SHC3: variants seen among roughly 807,000 people sequenced by gnomAD.
SHC3 encodes the protein SHC-transforming protein 3.
A neutral mutation model predicts 60.4 loss-of-function variants in SHC3; 15 were observed. The ratio of observed to expected loss-of-function variants is 0.25; its 90% CI spans 0.17 to 0.38. SHC3 has a LOEUF of 0.38. Among genes scored for constraint, SHC3 ranks in the 10% least tolerant of loss-of-function variants. The probability of loss-of-function intolerance (pLI) is 1.00; values close to 1 mark genes in which losing one functional copy is unlikely to be tolerated. For synonymous variants in SHC3, 294 were observed against 325.9 expected (o/e 0.90, Z 1.05); for missense variants, 677 against 786.1 (o/e 0.86, Z 1.66).
intron 11 of SHC3, among the ~76,000 whole-genome samples, chr9:89,032,517 A>T (rs1051185241): frequency 1.5e-4 from 23 of 152,332 alleles, no homozygotes; most frequent in African/African-American, 5.3e-4. Context: ...TAGACATAAG[A>T]GCGTTGACTA....
At chr9:89,140,338 C>G (rs1438823144) in intron 1 of SHC3, among the ~76,000 whole-genome samples, 2 of 151,976 alleles carry the variant, frequency 1.3e-5, no homozygotes, top group Admixed American at 1.3e-4. Flanking sequence ...AACAGATTCC[C>G]CCCCCCAGAT....
At chr9:89,072,289 G>C (rs1283802801) in intron 4 of SHC3, among the ~76,000 whole-genome samples, 1 of 152,088 alleles carries the variant, frequency 6.6e-6, no homozygotes. Context: ...CCCACCCCGA[G>C]GCCAGGGTCT....
chr9:89,016,733 T>C (rs796244187), intron 11 of SHC3, among the ~76,000 whole-genome samples: 4 of 152,314 alleles, frequency 2.6e-5, no homozygotes, highest in African/African-American at 9.6e-5. Flanking sequence ...TATAGTGCAA[T>C]ATCTCTTATG....
chr9:89,147,260 TGGGTA>T (rs1161818258), intron 1 of SHC3, among the ~76,000 whole-genome samples: 2 of 152,194 alleles, frequency 1.3e-5, no homozygotes, highest in Non-Finnish European at 2.9e-5. Flanking sequence ...ATCTTGGTGC[TGGGTA>T]GGGCACCAGT....
At chr9:89,159,739 G>A (rs909892037) in intron 1 of SHC3, among the ~76,000 whole-genome samples, 17 of 152,234 alleles carry the variant, frequency 1.1e-4, no homozygotes, top group African/African-American at 4.1e-4. Context: ...CAGCACAGGA[G>A]AAAGATGTAG....
intron 6 of SHC3, among the ~76,000 whole-genome samples, chr9:89,054,048 A>T (rs1025119386): frequency 2.0e-5 from 3 of 152,190 alleles, no homozygotes; most frequent in African/African-American, 7.2e-5. Context: ...TTTTTTAAGG[A>T]GAAAATAGGT....
At chr9:89,172,679 C>T (rs182817303) in intron 1 of SHC3, among the ~76,000 whole-genome samples, 344 of 152,252 alleles carry the variant, frequency 2.3e-3, no homozygotes, top group Middle Eastern at 6.8e-3. Context: ...TATTATTTTT[C>T]CACCACATAC....
At chr9:89,058,465 G>C (rs1168523969) in intron 6 of SHC3, among the ~76,000 whole-genome samples, 1 of 151,154 alleles carries the variant, frequency 6.6e-6, no homozygotes, top group Non-Finnish European at 1.5e-5. Context: ...GGAGGATGGT[G>C]GTGGAGGATG....
At chr9:89,098,865 G>A (rs970651568) in intron 2 of SHC3, among the ~76,000 whole-genome samples, 3 of 151,940 alleles carry the variant, frequency 2.0e-5, no homozygotes, top group Non-Finnish European at 2.9e-5. Flanking sequence ...TCAGCTACTC[G>A]GGAGGCTGAG....
At chr9:89,126,754 T>C (rs1355636207) in intron 1 of SHC3, among the ~76,000 whole-genome samples, 1 of 152,234 alleles carries the variant, frequency 6.6e-6, no homozygotes, top group Non-Finnish European at 1.5e-5. Context: ...CTGTAAAGTT[T>C]TGATTCATTG....
intron 2 of SHC3, among the ~76,000 whole-genome samples, chr9:89,078,110 C>A (rs1825389260): frequency 6.6e-6 from 1 of 151,540 alleles, no homozygotes; most frequent in Non-Finnish European, 1.5e-5. Flanking sequence ...CCTCTCCTGG[C>A]AATATTCTAG....
At chr9:89,165,260 T>TTGTGTG (rs10626309) in intron 1 of SHC3, among the ~76,000 whole-genome samples, 2,577 of 148,614 alleles carry the variant, frequency 0.017, 71 homozygotes, top group African/African-American at 0.057. Context: ...AAAGACGTGT[T>TTGTGTG]TGTGTGTGTG....
intron 7 of SHC3, among the ~76,000 whole-genome samples, chr9:89,049,291 CA>C (rs373029613): frequency 1.3e-5 from 2 of 150,318 alleles, no homozygotes; most frequent in Non-Finnish European, 3.0e-5. Context: ...CAAAACAAAA[CA>C]AAACCAGAAA....
intron 7 of SHC3, among the ~76,000 whole-genome samples, chr9:89,051,740 G>A (rs544410278): frequency 2.0e-5 from 3 of 152,226 alleles, no homozygotes; most frequent in Admixed American, 6.5e-5. Context: ...ACCATCACAT[G>A]GCTGCAGAGG....
intron 2 of SHC3, among the ~76,000 whole-genome samples, chr9:89,102,303 G>A (rs1425806573): frequency 6.6e-6 from 1 of 151,776 alleles, no homozygotes; most frequent in Non-Finnish European, 1.5e-5. Context: ...TCTTTTTTCA[G>A]ATTCCAAATT....
chr9:89,147,031 G>A (rs1826478394), intron 1 of SHC3, among the ~76,000 whole-genome samples: 1 of 151,994 alleles, frequency 6.6e-6, no homozygotes, highest in East Asian at 1.9e-4. Flanking sequence ...CCTCAAACTG[G>A]AAAAGAAGCA....
At chr9:89,037,875 C>T in intron 11 of SHC3, 118 bp downstream of exon 11, 1 of 1,320,450 alleles carries the variant, frequency 7.6e-7, no homozygotes, top group Non-Finnish European at 1.0e-6. Context: ...CCCTGGAGGA[C>T]TCAGTAGGCA....
At chr9:89,078,664 G>A (rs1482572021) in intron 2 of SHC3, among the ~76,000 whole-genome samples, 2 of 152,164 alleles carry the variant, frequency 1.3e-5, no homozygotes, top group Non-Finnish European at 2.9e-5. Flanking sequence ...ACAGCTGAGG[G>A]CTAGGGTGGC....
chr9:89,093,895 G>A (rs2118059234), intron 2 of SHC3, among the ~76,000 whole-genome samples: 1 of 152,224 alleles, frequency 6.6e-6, no homozygotes, highest in East Asian at 1.9e-4. Flanking sequence ...CCTGAGGTCA[G>A]GAGTTTGAGA....
Sources: gnomAD v4.1 joint callset for allele counts (sites outside exome capture counted in the v4.1 genomes callset) on GRCh38, gnomAD v4.1.1 for gene constraint, MANE v1.5 for transcripts, NCBI Gene and HGNC (gene_info 2026-07-23, HGNC 2026-07-21) for gene names.